CAMTA1: variants seen among roughly 807,000 people sequenced by gnomAD.
The protein encoded by CAMTA1 is calmodulin binding transcription activator 1, also known as calmodulin-binding transcription activator 1.
Under a neutral mutation model 170.9 loss-of-function variants are expected in CAMTA1, and 27 were observed. The ratio of observed to expected loss-of-function variants is 0.16; its 90% CI spans 0.12 to 0.22. The LOEUF is 0.22. Among genes scored for constraint, CAMTA1 ranks in the 10% least tolerant of loss-of-function variants. The probability of loss-of-function intolerance (pLI) is 1.00; values close to 1 mark genes in which losing one functional copy is unlikely to be tolerated. For synonymous variants in CAMTA1, 833 were observed against 891.5 expected (o/e 0.93, Z 1.17); for missense variants, 1,619 against 2,217.2 (o/e 0.73, Z 5.42).
intron 4 of CAMTA1, among the ~76,000 whole-genome samples, chr1:7,096,002 G>A (rs983990380): frequency 5.3e-5 from 8 of 152,198 alleles, no homozygotes; most frequent in South Asian, 2.1e-4. Flanking sequence ...GTTTATACCC[G>A]TTAGAAAGAG....
chr1:6,949,476 A>G (rs892715905), intron 3 of CAMTA1, among the ~76,000 whole-genome samples: 26 of 151,758 alleles, frequency 1.7e-4, no homozygotes, highest in African/African-American at 5.3e-4. Flanking sequence ...TTCCTCTTCC[A>G]CTCCAAGAGC....
chr1:6,922,587 G>C (rs555783657), intron 3 of CAMTA1, among the ~76,000 whole-genome samples: 111 of 152,298 alleles, frequency 7.3e-4, no homozygotes, highest in African/African-American at 2.5e-3. Flanking sequence ...TTTCTCCCCT[G>C]GGGCCTCAAA....
intron 6 of CAMTA1, among the ~76,000 whole-genome samples, chr1:7,511,891 G>T (rs1411031613): frequency 6.6e-6 from 1 of 152,158 alleles, no homozygotes; most frequent in Non-Finnish European, 1.5e-5. Flanking sequence ...AAGAACACAG[G>T]CCAGAAGAAA....
At position 7,736,863 on chromosome 1, in the gene CAMTA1, A is replaced by G. The variant is rs575712699; in HGVS notation, c.3264-68A>G. ...TTGGGTTTCATCTTGGTGGGGTTTT[A>G]TAATATTCTGGTGTTTCCTTTTAAC... is the stretch of plus-strand genomic sequence containing the variant. On this transcript the variant is annotated intron_variant, in intron 13 of 22. Transcript: ENST00000303635. The surrounding 1 kb of genome is among the most constrained non-coding windows in gnomAD (Gnocchi z 4.5). 1 of 1,271,318 alleles carries G rather than the reference A, an allele frequency of 7.9e-7. No homozygotes were observed. The highest frequency in any genetic ancestry group is 1.3e-5 in the South Asian group (1 of 79,336). 78.8% of individuals were successfully genotyped at this position (1,271,318 alleles called of 1,614,324 possible).
At chr1:7,553,203 A>AG (rs1225859854) in intron 6 of CAMTA1, among the ~76,000 whole-genome samples, 6 of 152,152 alleles carry the variant, frequency 3.9e-5, no homozygotes, top group Non-Finnish European at 8.8e-5. Flanking sequence ...GAATGCATGA[A>AG]TGAGTGAATA....
rs1160144472 is a variant in CAMTA1 at position 7,674,629 on chromosome 1, A to G, written c.2780-2970A>G. Among the ~76,000 whole-genome samples, 1 of 152,104 alleles carries G rather than the reference A, an allele frequency of 6.6e-6. No homozygotes were observed. The highest frequency in any genetic ancestry group is 6.5e-5 in the Admixed American group (1 of 15,272). On this transcript the variant is annotated intron_variant, in intron 10 of 22. Transcript: ENST00000303635. The surrounding 1 kb of genome is among the most constrained non-coding windows in gnomAD (Gnocchi z 4.1). ...CCCCGTCTCTACTAAAAATACAAAA[A>G]TTAGCTGGGCGTGGTGGCAGGCACC...
intron 3 of CAMTA1, among the ~76,000 whole-genome samples, chr1:6,942,985 G>C (rs562179195): frequency 3.9e-5 from 6 of 152,276 alleles, no homozygotes; most frequent in Non-Finnish European, 8.8e-5. Flanking sequence ...CAGAGGCCCC[G>C]GCTCCAGCTT....
intron 3 of CAMTA1, among the ~76,000 whole-genome samples, chr1:6,883,699 G>A (rs954910973): frequency 1.3e-5 from 2 of 152,094 alleles, no homozygotes; most frequent in Non-Finnish European, 2.9e-5. Context: ...TAGTCGAAGA[G>A]TAGATAGAGG....
In CAMTA1 at chr1:7,664,870, G is replaced by A. The variant is rs199984599; in HGVS notation, c.2323G>A (p.Asp775Asn). The change falls in exon 9 of 23, where the codon GAC becomes AAC. Residue 775 changes from aspartate to asparagine, a missense_variant. Transcript: ENST00000303635. ...CATCTCCTTCAGCAACCAGTTCTCCGACCTGATCAACGACTTCATCTCCGT... is the reference window on the plus strand; with the variant it reads ...CATCTCCTTCAGCAACCAGTTCTCCAACCTGATCAACGACTTCATCTCCGT... ...FDISFSNQFS[D>N]LINDFISVEG... is the part of the protein sequence containing the mutation. 45 of 1,613,232 alleles carry A rather than the reference G, an allele frequency of 2.8e-5. No homozygotes were observed. The highest frequency in any genetic ancestry group is 3.7e-5 in the Non-Finnish European group (44 of 1,180,030).
intron 3 of CAMTA1, among the ~76,000 whole-genome samples, chr1:7,043,936 G>A (rs945863482): frequency 2.6e-5 from 4 of 152,210 alleles, no homozygotes; most frequent in Non-Finnish European, 5.9e-5. Context: ...GGCAGCCAGG[G>A]GAGAGGGTGG....
chr1:7,159,455 C>T (rs1247573015), intron 4 of CAMTA1, among the ~76,000 whole-genome samples: 2 of 152,130 alleles, frequency 1.3e-5, no homozygotes, highest in African/African-American at 4.8e-5. Context: ...GCCCCACAGG[C>T]TACCGACTTC....
At position 7,052,064 on chromosome 1, in the gene CAMTA1, G is replaced by A. The variant is rs1241016026; in HGVS notation, c.235-39240G>A. ...CTCCTCTCGGCCTGAGTGTTACTGG[G>A]CCTTGGCATGGGGCGGGGGGGTGGG... On this transcript the variant is annotated intron_variant, in intron 3 of 22. Coordinates refer to ENST00000303635, the MANE Select transcript of CAMTA1 (RefSeq NM_015215.4). Among the ~76,000 whole-genome samples, 3 of 136,274 alleles carry A rather than the reference G, an allele frequency of 2.2e-5. No individual in the cohort carries two copies. In the East Asian group the frequency reaches 6.5e-4, roughly 29 times the overall value. The allele number at this position is 136,274 out of a possible 152,430, so 89.4% of individuals were successfully genotyped here.
chr1:7,209,743 G>C (rs757500726), intron 4 of CAMTA1, among the ~76,000 whole-genome samples: 2 of 152,128 alleles, frequency 1.3e-5, no homozygotes, highest in Non-Finnish European at 2.9e-5. Context: ...AGAGATTTCC[G>C]AGTCAGTAGA....
intron 3 of CAMTA1, among the ~76,000 whole-genome samples, chr1:6,929,329 A>T (rs951777104): frequency 6.7e-6 from 1 of 149,212 alleles, no homozygotes; most frequent in East Asian, 2.0e-4. Flanking sequence ...ATAGGCGCAT[A>T]CCACCATGCC....
intron 11 of CAMTA1, among the ~76,000 whole-genome samples, chr1:7,718,554 CTTTT>C (rs34752156): frequency 2.4e-5 from 3 of 123,554 alleles, no homozygotes; most frequent in African/African-American, 3.1e-5. Flanking sequence ...CATTACAGCA[CTTTT>C]TTTTTTTTTT....
chr1:6,792,641 A>AT (rs961119412), intron 1 of CAMTA1, among the ~76,000 whole-genome samples: 21 of 148,176 alleles, frequency 1.4e-4, no homozygotes, highest in Admixed American at 4.0e-4. Flanking sequence ...ATGACTAGAG[A>AT]TTTTTTTTTT....
intron 7 of CAMTA1, among the ~76,000 whole-genome samples, chr1:7,647,850 G>A (rs577295370): frequency 3.3e-5 from 5 of 152,344 alleles, no homozygotes; most frequent in South Asian, 2.1e-4. Context: ...CTGGGTGGCC[G>A]AGGCAGGAGG....
intron 6 of CAMTA1, among the ~76,000 whole-genome samples, chr1:7,553,439 G>A (rs1485409476): frequency 6.6e-6 from 1 of 152,218 alleles, no homozygotes; most frequent in African/African-American, 2.4e-5. Context: ...GCCACGTGTA[G>A]GGGCTGAGAT....
chr1:7,354,152 T>C (rs1271680696), intron 5 of CAMTA1, among the ~76,000 whole-genome samples: 2 of 146,838 alleles, frequency 1.4e-5, no homozygotes, highest in African/African-American at 2.5e-5. Context: ...CTTTTTCTCT[T>C]TTTTTTTTTT....
Sources: gnomAD v4.1 joint callset for allele counts (sites outside exome capture counted in the v4.1 genomes callset) on GRCh38, gnomAD v4.1.1 for gene constraint, Gnocchi (gnomAD v3.1) non-coding constraint, MANE v1.5 for transcripts, NCBI Gene and HGNC (gene_info 2026-07-23, HGNC 2026-07-21) for gene names.